Variants in DLGAP1 observed in about 807,000 individuals in gnomAD.
DLGAP1 encodes DLG associated protein 1.
Under a neutral mutation model 90.8 loss-of-function variants are expected in DLGAP1, and 11 were observed. The ratio of observed to expected loss-of-function variants is 0.12; its 90% confidence interval spans 0.08 to 0.20. DLGAP1 has a LOEUF of 0.20. DLGAP1 is among the 10% of genes least tolerant of loss of function. The pLI, the probability that DLGAP1 is intolerant of heterozygous loss-of-function variation, is 1.00. For missense variants in DLGAP1, 1,050 were observed against 1,333.8 expected, an observed-to-expected ratio of 0.79 and a Z score of 3.31; for synonymous variants, 558 against 540.7, an observed-to-expected ratio of 1.03 and a Z score of -0.44.
At chr18:4,336,201 T>C (rs748675842) in intron 1 of DLGAP1, among the ~76,000 whole-genome samples, 22 of 152,222 alleles carry the variant, frequency 1.4e-4, no homozygotes, top group Non-Finnish European at 2.6e-4. Flanking sequence ...GTATGCACCA[T>C]ACAACTCCAT....
chr18:4,053,304 T>A (rs575044937), intron 2 of DLGAP1, among the ~76,000 whole-genome samples: 8 of 152,140 alleles, frequency 5.3e-5, no homozygotes, highest in Admixed American at 5.2e-4. Context: ...CTTCTTCACA[T>A]AGCAGCAGCA....
intron 7 of DLGAP1, among the ~76,000 whole-genome samples, chr18:3,642,736 A>G (rs2058982691): frequency 6.6e-6 from 1 of 152,220 alleles, no homozygotes; most frequent in South Asian, 2.1e-4. Context: ...TGCTCAACAA[A>G]TGTTAGCTCT....
intron 3 of DLGAP1, chr18:3,978,761 T>C (rs2073656574): frequency 1.3e-5 from 2 of 152,896 alleles, no homozygotes; most frequent in African/African-American, 4.8e-5. Context: ...GGCGATTCAA[T>C]TTTCCCCCTA....
At chr18:4,165,254 G>A (rs2076914346) in intron 1 of DLGAP1, among the ~76,000 whole-genome samples, 1 of 152,160 alleles carries the variant, frequency 6.6e-6, no homozygotes, top group Non-Finnish European at 1.5e-5. Flanking sequence ...TGTCTCTAGG[G>A]AGGCAGCAAT....
chr18:4,397,486 C>G lies in DLGAP1; in HGVS notation c.-267+57520G>C, dbSNP rs551271674. On this transcript the variant is annotated intron_variant, in intron 1 of 12. Coordinates refer to ENST00000315677, the MANE Select transcript of DLGAP1 (RefSeq NM_004746.4). ...GGATCCTATGTTCATCTTCTTTGAA[C>G]TGATTATATCCACTTGAAATTATCA... 7.9e-5 allele frequency among the ~76,000 whole-genome samples: 12 copies of G among 152,318 alleles called. 1 individual carries two copies. The South Asian group carries it at 2.5e-3, about 32-fold the overall frequency.
chr18:3,748,573 GC>G (rs1432136454), intron 5 of DLGAP1, among the ~76,000 whole-genome samples: 1 of 152,164 alleles, frequency 6.6e-6, no homozygotes, highest in Non-Finnish European at 1.5e-5. Flanking sequence ...GGAATGTAAG[GC>G]TCTTCCATGG....
At chr18:4,351,565 A>G (rs1172672581) in intron 1 of DLGAP1, among the ~76,000 whole-genome samples, 1 of 152,156 alleles carries the variant, frequency 6.6e-6, no homozygotes, top group African/African-American at 2.4e-5. Context: ...GGACAATAAA[A>G]TATTTTTGAA....
intron 2 of DLGAP1, among the ~76,000 whole-genome samples, chr18:4,042,936 C>A (rs1297053128): frequency 6.6e-6 from 1 of 152,080 alleles, no homozygotes; most frequent in Non-Finnish European, 1.5e-5. Flanking sequence ...AACAGCAGAA[C>A]ATAGGATAAT....
At chr18:4,232,978 A>G (rs2078332044) in intron 1 of DLGAP1, among the ~76,000 whole-genome samples, 2 of 152,232 alleles carry the variant, frequency 1.3e-5, no homozygotes, top group Non-Finnish European at 2.9e-5. Context: ...CTTGAAGCTT[A>G]GCTACTGAGT....
chr18:3,674,354 C>T (rs1394103861), intron 7 of DLGAP1, among the ~76,000 whole-genome samples: 1 of 149,390 alleles, frequency 6.7e-6, no homozygotes, highest in Non-Finnish European at 1.5e-5. Flanking sequence ...TGTGGTGGCT[C>T]ATGCCTATAA....
rs1371052856 is a variant in DLGAP1, at chr18:3,526,082, G to A, written c.2479+8112C>T. ...GCGGTCACTAATTTCAGGTTGTCTGGAGCTTACAAAAAGAGACATGCAAGT... is the reference window on the plus strand; with the variant it reads ...GCGGTCACTAATTTCAGGTTGTCTGAAGCTTACAAAAAGAGACATGCAAGT... On this transcript the variant is annotated intron_variant, in intron 10 of 12. Transcript: ENST00000315677. This position sits in a 1 kb window ranked among gnomAD's most constrained non-coding sequence, Gnocchi z 4.7. Among the ~76,000 whole-genome samples, 3 of 152,180 alleles carry A rather than the reference G, an allele frequency of 2.0e-5. No homozygotes were observed. Among genetic ancestry groups the A allele is most frequent in the African/African-American group, 7.2e-5 (3 of 41,432 alleles).
intron 2 of DLGAP1, among the ~76,000 whole-genome samples, chr18:4,010,111 C>G (rs1300834395): frequency 1.3e-5 from 2 of 152,172 alleles, no homozygotes; most frequent in Non-Finnish European, 2.9e-5. Context: ...GGGTTACACA[C>G]CATTTCTCTA....
At chr18:3,723,075 T>C (rs917613549) in intron 7 of DLGAP1, among the ~76,000 whole-genome samples, 14 of 152,320 alleles carry the variant, frequency 9.2e-5, no homozygotes, top group African/African-American at 3.1e-4. Flanking sequence ...TGCAGCAGAC[T>C]TTCTCTGTAA....
At position 4,454,762 on chromosome 18, in the gene DLGAP1, C is replaced by T. The variant is rs978859255; in HGVS notation, c.-267+244G>A. Among the ~76,000 whole-genome samples the T allele has an allele frequency of 3.9e-5, 6 of 152,040 alleles. No homozygotes were observed. The South Asian group carries it at 1.0e-3, about 26-fold the overall frequency. On this transcript the variant is annotated intron_variant, in intron 1 of 12. Transcript: ENST00000315677. The surrounding 1 kb of genome is among the most constrained non-coding windows in gnomAD (Gnocchi z 4.7). Reference sequence around the variant, plus strand: ...GTGGGGAGCCGCGAGGACCGCATGGCCGGAGAGGACGCGCTCGCCCCCGAG... The same window carrying T: ...GTGGGGAGCCGCGAGGACCGCATGGTCGGAGAGGACGCGCTCGCCCCCGAG...
chr18:3,558,581 G>A (rs1245187222), intron 9 of DLGAP1, among the ~76,000 whole-genome samples: 3 of 152,112 alleles, frequency 2.0e-5, no homozygotes, highest in Non-Finnish European at 2.9e-5. Context: ...ACATGTTAAA[G>A]ATTTTTATGT....
At position 4,010,751 on chromosome 18, in the gene DLGAP1, T is replaced by C. The variant is rs1219315320; in HGVS notation, c.-158-5550A>G. 5.9e-5 allele frequency among the ~76,000 whole-genome samples: 9 copies of C among 152,278 alleles called. No homozygotes were observed. The East Asian group carries it at 1.7e-3, about 29-fold the overall frequency. ...ATAAGAATGGAGGTGGGGATGCTAC[T>C]ACTTCAAGATCCGCATCTTTTTCCT... On this transcript the variant is annotated intron_variant, in intron 2 of 12. Coordinates refer to ENST00000315677, the MANE Select transcript of DLGAP1 (RefSeq NM_004746.4).
chr18:4,311,924 C>T (rs1314541604), intron 1 of DLGAP1, among the ~76,000 whole-genome samples: 1 of 152,168 alleles, frequency 6.6e-6, no homozygotes, highest in East Asian at 1.9e-4. Flanking sequence ...CCCTGTTGGC[C>T]AGGCTGGTCT....
intron 7 of DLGAP1, among the ~76,000 whole-genome samples, chr18:3,624,786 G>T (rs2058229563): frequency 6.6e-6 from 1 of 152,078 alleles, no homozygotes; most frequent in African/African-American, 2.4e-5. Context: ...GGGAAGGTTT[G>T]ATCATATCAC....
chr18:3,537,557 A>C (rs2052447794), intron 9 of DLGAP1, among the ~76,000 whole-genome samples: 2 of 152,166 alleles, frequency 1.3e-5, no homozygotes, highest in African/African-American at 4.8e-5. Flanking sequence ...ATTGTGAATA[A>C]TGCTGCTATG....
Sources: allele counts gnomAD v4.1 joint callset (sites outside exome capture counted in the v4.1 genomes callset), GRCh38; gene constraint gnomAD v4.1.1; non-coding constraint Gnocchi (gnomAD v3.1); transcripts MANE v1.5; gene names NCBI Gene and HGNC (gene_info 2026-07-23, HGNC 2026-07-21).